NPAS3: variants seen among roughly 807,000 people sequenced by gnomAD.
NPAS3 encodes the protein neuronal PAS domain-containing protein 3.
NPAS3 carries 14 observed loss-of-function variants against 73.1 expected under a neutral mutation model. That is an observed-to-expected ratio of 0.19 (90% CI 0.13 to 0.30). The LOEUF is 0.30. NPAS3 is among the 10% of genes least tolerant of loss of function. The pLI is 1.00. For missense variants in NPAS3, 1,096 were observed against 1,250.0 expected (o/e 0.88, Z 1.86); for synonymous variants, 620 against 541.5 (o/e 1.14, Z -2.01).
intron 2 of NPAS3, among the ~76,000 whole-genome samples, chr14:33,149,163 T>C (rs1002563272): frequency 4.6e-5 from 7 of 152,202 alleles, no homozygotes; most frequent in Non-Finnish European, 7.3e-5. Context: ...TAACAGACTT[T>C]TATTACTTTA....
At chr14:33,454,484 G>C (rs948620893) in intron 4 of NPAS3, among the ~76,000 whole-genome samples, 1 of 152,186 alleles carries the variant, frequency 6.6e-6, no homozygotes, top group Non-Finnish European at 1.5e-5. Context: ...GTTACTCCAT[G>C]AGATGTTCTC....
At chr14:33,755,793 G>C (rs1419387077) in intron 7 of NPAS3, among the ~76,000 whole-genome samples, 2 of 152,132 alleles carry the variant, frequency 1.3e-5, no homozygotes, top group Non-Finnish European at 2.9e-5. Context: ...CATGACACCT[G>C]TATCTGTTCA....
chr14:33,233,888 G>T (rs2047939438), intron 3 of NPAS3, among the ~76,000 whole-genome samples: 1 of 152,040 alleles, frequency 6.6e-6, no homozygotes, highest in Admixed American at 6.6e-5. Context: ...ACACTATGTT[G>T]GTCTGCCTCC....
At chr14:33,405,891 A>G (rs963194746) in intron 4 of NPAS3, among the ~76,000 whole-genome samples, 22 of 152,100 alleles carry the variant, frequency 1.4e-4, no homozygotes, top group Admixed American at 1.0e-3. Flanking sequence ...TGTTAATTCA[A>G]TGTCTTAATT....
chr14:33,374,602 C>A (rs1354197380), intron 4 of NPAS3, among the ~76,000 whole-genome samples: 1 of 151,344 alleles, frequency 6.6e-6, no homozygotes, highest in East Asian at 1.9e-4. Context: ...TCTCTGAGAC[C>A]CAGCCAATTG....
At chr14:33,044,671 C>A (rs539003330) in intron 1 of NPAS3, among the ~76,000 whole-genome samples, 1 of 132,238 alleles carries the variant, frequency 7.6e-6, no homozygotes, top group Non-Finnish European at 1.6e-5. Flanking sequence ...TTTTTTTTGG[C>A]GGGGAGGGCA....
chr14:33,229,392 A>G (rs2047756749), intron 3 of NPAS3, among the ~76,000 whole-genome samples: 1 of 152,188 alleles, frequency 6.6e-6, no homozygotes, highest in Non-Finnish European at 1.5e-5. Flanking sequence ...ATATAGAAAG[A>G]TCAAAAGAGT....
intron 1 of NPAS3, among the ~76,000 whole-genome samples, chr14:32,962,720 G>A (rs1327637960): frequency 1.3e-5 from 2 of 150,912 alleles, no homozygotes; most frequent in East Asian, 3.9e-4. Flanking sequence ...GCACCATCAT[G>A]CCTGGCTAAT....
chr14:33,703,345 T>A (rs972408491), intron 6 of NPAS3, among the ~76,000 whole-genome samples: 4 of 151,940 alleles, frequency 2.6e-5, no homozygotes, highest in African/African-American at 9.7e-5. Flanking sequence ...TTTGAAAACA[T>A]TTTTCAGGCT....
intron 3 of NPAS3, among the ~76,000 whole-genome samples, chr14:33,239,967 A>G (rs1036654389): frequency 6.6e-6 from 1 of 151,870 alleles, no homozygotes; most frequent in African/African-American, 2.4e-5. Context: ...AATGTGGCTA[A>G]GGGCCTACTA....
intron 5 of NPAS3, among the ~76,000 whole-genome samples, chr14:33,655,211 C>G (rs73254712): frequency 0.025 from 3,805 of 152,248 alleles, 161 homozygotes; most frequent in African/African-American, 0.085. Context: ...GTTCTCCTAA[C>G]TACCTGCATA....
intron 5 of NPAS3, among the ~76,000 whole-genome samples, chr14:33,568,569 C>T (rs2139806078): frequency 6.6e-6 from 1 of 152,222 alleles, no homozygotes; most frequent in East Asian, 1.9e-4. Flanking sequence ...ATGCAAACTG[C>T]TCATATGAAG....
intron 1 of NPAS3, among the ~76,000 whole-genome samples, chr14:33,046,712 A>C (rs566879155): frequency 6.6e-6 from 1 of 152,316 alleles, no homozygotes; most frequent in East Asian, 1.9e-4. Context: ...GCAGTGGCTC[A>C]CGCCTGTAAT....
intron 4 of NPAS3, among the ~76,000 whole-genome samples, chr14:33,449,753 T>A (rs1335288209): frequency 1.3e-5 from 2 of 152,206 alleles, no homozygotes; most frequent in African/African-American, 4.8e-5. Flanking sequence ...GATTACCCTC[T>A]TTTATTCCCC....
At chr14:33,493,838 AAG>A (rs1374620983) in intron 4 of NPAS3, among the ~76,000 whole-genome samples, 1 of 152,080 alleles carries the variant, frequency 6.6e-6, no homozygotes, top group Non-Finnish European at 1.5e-5. Flanking sequence ...TAAAGATAAA[AAG>A]GCTCCTTTTT....
At chr14:33,620,665 T>C (rs1402018453) in intron 5 of NPAS3, among the ~76,000 whole-genome samples, 1 of 152,212 alleles carries the variant, frequency 6.6e-6, no homozygotes, top group East Asian at 1.9e-4. Flanking sequence ...TCAACATTAA[T>C]AGACATAACA....
chr14:33,138,548 C>G (rs2043926471), intron 2 of NPAS3, among the ~76,000 whole-genome samples: 2 of 152,102 alleles, frequency 1.3e-5, no homozygotes, highest in African/African-American at 4.8e-5. Context: ...CATGCTCAGT[C>G]AACTGTGATT....
At chr14:33,760,369 T>C (rs1171102343) in intron 7 of NPAS3, among the ~76,000 whole-genome samples, 3 of 152,196 alleles carry the variant, frequency 2.0e-5, no homozygotes, top group African/African-American at 7.2e-5. Context: ...GTCCTTTTCA[T>C]TGCTGTATCC....
At chr14:33,283,793 G>A (rs1343193733) in intron 3 of NPAS3, among the ~76,000 whole-genome samples, 1 of 152,104 alleles carries the variant, frequency 6.6e-6, no homozygotes, top group Non-Finnish European at 1.5e-5. Flanking sequence ...GTTGTTGTGG[G>A]CATCACATAT....
Sources: gnomAD v4.1 joint callset for allele counts (sites outside exome capture counted in the v4.1 genomes callset) on GRCh38, gnomAD v4.1.1 for gene constraint, MANE v1.5 for transcripts, NCBI Gene and HGNC (gene_info 2026-07-23, HGNC 2026-07-21) for gene names.